RBFOX3: variants seen among roughly 807,000 people sequenced by gnomAD.
RBFOX3 encodes the protein RNA binding fox-1 homolog 3.
RBFOX3 carries 17 observed loss-of-function variants against 48.7 expected under a neutral mutation model. The observed-to-expected ratio is 0.35, with a 90% confidence interval of 0.24 to 0.52. The LOEUF (loss-of-function observed/expected upper bound fraction) is 0.52. Ranked by LOEUF, RBFOX3 falls within the 20% of genes least tolerant of loss-of-function variation. The pLI is 0.94. For missense variants in RBFOX3, 382 were observed against 497.5 expected, an observed-to-expected ratio of 0.77 and a Z score of 2.21; for synonymous variants, 212 against 209.5, an observed-to-expected ratio of 1.01 and a Z score of -0.10.
In RBFOX3 at chr17:79,484,976, C is replaced by T. The variant is rs1041798095; in HGVS notation, c.-319-2378G>A. Among the ~76,000 whole-genome samples, 8 of 152,316 alleles carry T rather than the reference C, an allele frequency of 5.3e-5. No individual in the cohort carries two copies. The East Asian group carries it at 9.6e-4, about 18-fold the overall frequency. On this transcript the variant is annotated intron_variant, in intron 1 of 14. Transcript: ENST00000693108. ...TAGGATACACTTCTGGTCCTGGAGG[C>T]GATTCCCAAGCATTTGCTTTAACTC...
intron 1 of RBFOX3, among the ~76,000 whole-genome samples, chr17:79,554,576 T>A (rs955130447): frequency 0.019 from 2,869 of 152,282 alleles, 92 homozygotes; most frequent in African/African-American, 0.066. Flanking sequence ...TGCTGTGCTG[T>A]TTCCACTTTG....
intron 1 of RBFOX3, among the ~76,000 whole-genome samples, chr17:79,550,083 C>A (rs2090986509): frequency 6.6e-6 from 1 of 152,188 alleles, no homozygotes; most frequent in Non-Finnish European, 1.5e-5. Flanking sequence ...CTGAGGTCTA[C>A]ACCGGGACAA....
At chr17:79,398,515 A>T (rs1166306873) in intron 2 of RBFOX3, among the ~76,000 whole-genome samples, 2 of 150,794 alleles carry the variant, frequency 1.3e-5, no homozygotes, top group Admixed American at 1.3e-4. Context: ...CCTCCTGGGG[A>T]GGGACACGTG....
intron 2 of RBFOX3, among the ~76,000 whole-genome samples, chr17:79,458,921 T>C (rs913179850): frequency 6.6e-6 from 1 of 152,294 alleles, no homozygotes; most frequent in East Asian, 1.9e-4. Context: ...CCAAGCAGCA[T>C]GGCTGGATCT....
In RBFOX3 at chr17:79,498,999, T is replaced by C. The variant is rs1341880631; in HGVS notation, c.-319-16401A>G. Reference sequence around the variant, plus strand: ...TTCCACCTACCCATCCACTTACTCATATGTCCACTCATATACCCATCCATC... The same window carrying C: ...TTCCACCTACCCATCCACTTACTCACATGTCCACTCATATACCCATCCATC... On this transcript the variant is annotated intron_variant, in intron 1 of 14. Transcript: ENST00000693108. Among the ~76,000 whole-genome samples the C allele has an allele frequency of 8.0e-5, 12 of 150,414 alleles. No individual in the cohort carries two copies. In the South Asian group the frequency reaches 2.1e-3, roughly 27 times the overall value.
At chr17:79,552,401 T>G (rs2091242506) in intron 1 of RBFOX3, among the ~76,000 whole-genome samples, 2 of 152,250 alleles carry the variant, frequency 1.3e-5, no homozygotes, top group South Asian at 4.1e-4. Context: ...GCCCCCACTC[T>G]TCACACTGCA....
chr17:79,622,928 C>T, the RBFOX3 span, among the ~76,000 whole-genome samples: 49 of 152,272 alleles, frequency 3.2e-4, no homozygotes, highest in African/African-American at 1.1e-3. Context: ...TCCCCAGCTG[C>T]CACTCCCCAT....
chr17:79,617,826 C>T, the RBFOX3 span, among the ~76,000 whole-genome samples: 1 of 152,208 alleles, frequency 6.6e-6, no homozygotes, highest in African/African-American at 2.4e-5. Context: ...CAGAATGTCC[C>T]GTGGCTCGCC....
At chr17:79,270,814 T>A (rs984562489) in intron 3 of RBFOX3, among the ~76,000 whole-genome samples, 8 of 152,268 alleles carry the variant, frequency 5.3e-5, no homozygotes, top group Non-Finnish European at 1.0e-4. Context: ...CCCACTGGCA[T>A]GACCATGACA....
intron 3 of RBFOX3, among the ~76,000 whole-genome samples, chr17:79,285,828 C>T (rs1026350796): frequency 9.9e-5 from 15 of 152,250 alleles, no homozygotes; most frequent in African/African-American, 3.1e-4. Flanking sequence ...GGATTACAGG[C>T]GCCCACCATC....
intron 2 of RBFOX3, among the ~76,000 whole-genome samples, chr17:79,381,416 G>A (rs1476509392): frequency 5.3e-5 from 8 of 152,198 alleles, no homozygotes; most frequent in African/African-American, 1.9e-4. Flanking sequence ...AGTCTTTGAA[G>A]CCCAGCGCGT....
chr17:79,228,624 C>T (rs189059735), intron 4 of RBFOX3, among the ~76,000 whole-genome samples: 24 of 152,298 alleles, frequency 1.6e-4, no homozygotes, highest in South Asian at 2.1e-4. Flanking sequence ...AGAACTTGAG[C>T]GTTTGGGAGC....
At position 79,214,082 on chromosome 17, in the gene RBFOX3, G is replaced by C. The variant is rs549080122; in HGVS notation, c.-34+21684C>G. On this transcript the variant is annotated intron_variant, in intron 4 of 14. Coordinates refer to ENST00000693108, the MANE Select transcript of RBFOX3 (RefSeq NM_001350451.2). This position sits in a 1 kb window ranked among gnomAD's most constrained non-coding sequence, Gnocchi z 4.7. Reference sequence around the variant, plus strand: ...GCCAACCCTCGCATGGCGCCGCCCAGCTCTGGTAGGAGGGACTGAAATAAA... The same window carrying C: ...GCCAACCCTCGCATGGCGCCGCCCACCTCTGGTAGGAGGGACTGAAATAAA... 1.3e-5 allele frequency among the ~76,000 whole-genome samples: 2 copies of C among 152,158 alleles called. No homozygotes were observed. Among genetic ancestry groups the C allele is most frequent in the African/African-American group, 2.4e-5 (1 of 41,440 alleles).
At position 79,096,753 on chromosome 17, in the gene RBFOX3, G is replaced by C. The variant is rs1223017521; in HGVS notation, c.836C>G (p.Pro279Arg). The C allele has an allele frequency of 1.3e-6, 2 of 1,484,636 alleles. No individual in the cohort carries two copies. The highest frequency in any genetic ancestry group is 1.2e-5 in the South Asian group (1 of 82,674). 92.0% of individuals were successfully genotyped at this position (1,484,636 alleles called of 1,614,324 possible). ...TGGAGAGGTGGGGTAGGCCGGCTCC[G>C]GTGTCTGCTGAGGAGGGAGGGGGCA... ...APCPLPPQQT[P>R]EPAYPTSPAF... The change falls in exon 12 of 15, where the codon CCG becomes CGG. Residue 279 changes from proline (P) to arginine (R), a missense_variant. Transcript: ENST00000693108.
intron 5 of RBFOX3, among the ~76,000 whole-genome samples, chr17:79,107,591 A>G (rs1205271998): frequency 1.3e-5 from 2 of 152,200 alleles, no homozygotes. Flanking sequence ...GCTGGCCTTC[A>G]GTCTGGCTTG....
intron 5 of RBFOX3, among the ~76,000 whole-genome samples, chr17:79,112,572 C>T (rs2146891827): frequency 6.6e-6 from 1 of 152,274 alleles, no homozygotes; most frequent in South Asian, 2.1e-4. Context: ...CCACTGCTCT[C>T]TCCCATCGAC....
intron 2 of RBFOX3, among the ~76,000 whole-genome samples, chr17:79,312,052 G>A (rs1230623446): frequency 6.6e-6 from 1 of 152,164 alleles, no homozygotes; most frequent in Non-Finnish European, 1.5e-5. Flanking sequence ...TTCTGATGAT[G>A]TATCAATAAC....
intron 4 of RBFOX3, among the ~76,000 whole-genome samples, chr17:79,215,739 T>C (rs2058954577): frequency 1.3e-5 from 2 of 152,376 alleles, no homozygotes; most frequent in South Asian, 4.1e-4. Context: ...GGCTTGGCTC[T>C]GCTGTAGGCA....
chr17:79,378,752 T>C (rs1280838361), intron 2 of RBFOX3, among the ~76,000 whole-genome samples: 1 of 152,188 alleles, frequency 6.6e-6, no homozygotes, highest in Non-Finnish European at 1.5e-5. Flanking sequence ...GTTTCTCCAG[T>C]AGGGGCTAAT....
Sources: allele counts gnomAD v4.1 joint callset (sites outside exome capture counted in the v4.1 genomes callset), GRCh38; gene constraint gnomAD v4.1.1; non-coding constraint Gnocchi (gnomAD v3.1); transcripts MANE v1.5; gene names NCBI Gene and HGNC (gene_info 2026-07-23, HGNC 2026-07-21).